Variants in MYH1 observed in about 807,000 individuals in gnomAD.
MYH1 encodes the protein myosin-1.
In MYH1, 214 loss-of-function variants were observed where a neutral mutation model predicts 225.6. The ratio of observed to expected loss-of-function variants is 0.95; its 90% CI spans 0.85 to 1.06. The LOEUF is 1.06. MYH1 is among the 50% of genes least tolerant of loss of function. The pLI is 0.00. For missense variants in MYH1, 2,098 were observed against 2,344.2 expected, an observed-to-expected ratio of 0.89 and a Z score of 2.17; for synonymous variants, 774 against 842.3, an observed-to-expected ratio of 0.92 and a Z score of 1.40.
Position 10,495,302 on chromosome 17 carries a change from T to C in MYH1, c.5185A>G (p.Asn1729Asp), listed in dbSNP as rs551559969. 153 of 1,613,990 alleles carry C rather than the reference T, an allele frequency of 9.5e-5. No homozygotes were observed. The highest frequency in any genetic ancestry group is 1.2e-4 in the Non-Finnish European group (145 of 1,180,022). Residue 1729 changes from asparagine to aspartate, a missense_variant, in exon 36 of 40, where the codon AAC becomes GAC. Transcript: ENST00000226207. ...TCTGTCTCCAGCTTCTTCTTGGTGT[T>C]GATCAGGCTGGTGTTCTGTTTAAAA... ...LLHTQNTSLI[N>D]TKKKLETDIS... is the part of the protein sequence containing the mutation.
At chr17:10,495,365 T>A (rs771552728) in intron 35 of MYH1, 48 bp from the exon 36 acceptor site, 1 of 1,600,812 alleles carries the variant, frequency 6.2e-7, no homozygotes, top group Non-Finnish European at 8.5e-7. Flanking sequence ...GAGAGAAAAA[T>A]TAGGAAACCT....
At chr17:10,514,522 A>C (rs1481559761) in intron 6 of MYH1, among the ~76,000 whole-genome samples, 2 of 152,166 alleles carry the variant, frequency 1.3e-5, no homozygotes, top group African/African-American at 2.4e-5. Flanking sequence ...ACATTCTCTA[A>C]GTGGGCCTTA....
At chr17:10,501,722 T>G (rs763741496) in intron 25 of MYH1, 38 bp from the exon 26 acceptor site, 40 of 1,613,910 alleles carry the variant, frequency 2.5e-5, no homozygotes, top group South Asian at 2.4e-4. Flanking sequence ...TCAGAAATAT[T>G]AAGAGTAATT....
intron 35 of MYH1, 80 bp from the exon 36 acceptor site, chr17:10,495,397 CTAAT>C (rs1250795996): frequency 2.7e-6 from 4 of 1,480,292 alleles, no homozygotes; most frequent in Non-Finnish European, 3.7e-6. Context: ...GAACCATAAA[CTAAT>C]TAACTAAATG....
intron 39 of MYH1, 99 bp downstream of exon 39, chr17:10,494,255 T>C: frequency 5.8e-6 from 7 of 1,210,836 alleles, no homozygotes; most frequent in Non-Finnish European, 7.1e-6. Context: ...TTGTTTTCTT[T>C]TGATCCTTCC....
At chr17:10,494,329 T>G in intron 39 of MYH1, 25 bp downstream of exon 39, 1 of 1,598,732 alleles carries the variant, frequency 6.3e-7, no homozygotes, top group Non-Finnish European at 8.5e-7. Flanking sequence ...CTGAGAAAAA[T>G]CACCCCAAGG....
At chr17:10,512,283 A>C in intron 12 of MYH1, 91 bp from the exon 13 acceptor site, 1 of 1,590,138 alleles carries the variant, frequency 6.3e-7, no homozygotes, top group Non-Finnish European at 8.6e-7. Context: ...CTTTGTAGAA[A>C]GTCTGTGTGT....
chr17:10,512,290 G>A (rs959434841), intron 12 of MYH1, 98 bp from the exon 13 acceptor site: 17 of 1,589,856 alleles, frequency 1.1e-5, no homozygotes, highest in Non-Finnish European at 1.5e-5. Context: ...GAAAGTCTGT[G>A]TGTGGGTACA....
In MYH1 at chr17:10,504,885, T is replaced by C. The variant is rs749781068; in HGVS notation, c.2616A>G (p.Ala872=). ...KTKEELAKTE[A]KRKELEEKMV... ...TTTTTTCTTCCAGCTCTTTCCTTTT[T>C]GCCTCGGTCTTAGCCAGCTCTTCTT... The change falls in exon 22 of 40, where the codon GCA becomes GCG. Residue 872 remains alanine, a synonymous_variant. Coordinates refer to ENST00000226207, the MANE Select transcript of MYH1 (RefSeq NM_005963.4). 2.5e-6 allele frequency: 4 copies of C among 1,614,198 alleles called. No homozygotes were observed. The highest frequency in any genetic ancestry group is 3.4e-6 in the Non-Finnish European group (4 of 1,180,028).
chr17:10,500,781 T>C (rs1371062064), intron 27 of MYH1, 29 bp from the exon 28 acceptor site: 1 of 1,613,864 alleles, frequency 6.2e-7, no homozygotes, highest in African/African-American at 1.3e-5. Flanking sequence ...AGAAGGCATC[T>C]CAAGTAAGTA....
intron 22 of MYH1, 63 bp from the exon 23 acceptor site, chr17:10,503,311 T>C: frequency 6.3e-7 from 1 of 1,578,272 alleles, no homozygotes; most frequent in Non-Finnish European, 8.6e-7. Context: ...CAGATTTTAT[T>C]AATATTTTGA....
rs762500473 is a variant in MYH1 at position 10,512,148 on chromosome 17, G to A, written c.1192C>T (p.Leu398=). 5.0e-6 allele frequency: 8 copies of A among 1,614,058 alleles called. No homozygotes were observed. The highest frequency in any genetic ancestry group is 5.1e-6 in the Non-Finnish European group (6 of 1,180,028). Residue 398 remains leucine, a synonymous_variant, in exon 13 of 40, where the codon CTG becomes TTG. Transcript: ENST00000226207. ...CTAGGGTAGCAGAGGGCTTTGAGCA[G>A]ATCTGCAGAGTTCAGATTTTGGAGA... ...AYLQNLNSAD[L]LKALCYPRVK...
chr17:10,498,009 CTTT>C, intron 30 of MYH1, 92 bp from the exon 31 acceptor site: 1 of 1,210,198 alleles, frequency 8.3e-7, no homozygotes, highest in Non-Finnish European at 1.1e-6. Context: ...AATCAGACTT[CTTT>C]AATACTTTGC....
chr17:10,494,293 C>G, intron 39 of MYH1, 61 bp downstream of exon 39: 2 of 1,469,642 alleles, frequency 1.4e-6, no homozygotes, highest in Non-Finnish European at 1.9e-6. Context: ...TCTTTTGTCA[C>G]TTTAACTAAA....
intron 6 of MYH1, 24 bp from the exon 7 acceptor site, chr17:10,514,148 A>G: frequency 6.2e-7 from 1 of 1,611,984 alleles, no homozygotes; most frequent in African/African-American, 1.3e-5. Flanking sequence ...AACGTATGAG[A>G]AATTAAGCAC....
chr17:10,501,173 C>A lies in MYH1; in HGVS notation c.3675G>T (p.Lys1225Asn). 1 of 1,614,132 alleles carries A rather than the reference C, an allele frequency of 6.2e-7. No individual in the cohort carries two copies. The highest frequency in any genetic ancestry group is 8.5e-7 in the Non-Finnish European group (1 of 1,179,960). Reference protein sequence around the residue: ...QRVKQKLEKEKSEMKMEIDDL... With the variant: ...QRVKQKLEKENSEMKMEIDDL... Reference sequence around the variant, plus strand: ...CATCGATCTCCATCTTCATCTCACTCTTCTCCTTCTCCAGCTTCTGCTTCA... The same window carrying A: ...CATCGATCTCCATCTTCATCTCACTATTCTCCTTCTCCAGCTTCTGCTTCA... The change falls in exon 27 of 40, where the codon AAG becomes AAT. Residue 1225 changes from lysine (K) to asparagine (N), a missense_variant. Transcript: ENST00000226207.
Position 10,498,734 on chromosome 17 carries a change from T to C in MYH1, c.4073A>G (p.Lys1358Arg), listed in dbSNP as rs774684415. Residue 1358 changes from lysine to arginine, a missense_variant, in exon 30 of 40, where the codon AAG becomes AGG. Coordinates refer to ENST00000226207, the MANE Select transcript of MYH1 (RefSeq NM_005963.4). ...GGACATTGCTCTCTGTAGCTCGGCC[T>C]TGGCTTCCTGCTCCTCCTCATACTG... ...REQYEEEQEAKAELQRAMSKA... is the reference protein window; with the variant it reads ...REQYEEEQEARAELQRAMSKA... 5 of 1,614,184 alleles carry C rather than the reference T, an allele frequency of 3.1e-6. No homozygotes were observed. The highest frequency in any genetic ancestry group is 3.3e-4 in the Middle Eastern group (2 of 6,058).
At position 10,505,275 on chromosome 17, in the gene MYH1, C is replaced by T. The variant is rs2073099223; in HGVS notation, c.2323G>A (p.Gly775Arg). 1 of 1,614,006 alleles carries T rather than the reference C, an allele frequency of 6.2e-7. No homozygotes were observed. The highest frequency in any genetic ancestry group is 8.5e-7 in the Non-Finnish European group (1 of 1,180,036). The change falls in exon 21 of 40, where the codon GGG (glycine) becomes AGG (arginine). Residue 775 changes from glycine (G) to arginine (R), a missense_variant. Gly to Arg is a moderately radical substitution (Grantham distance 125, BLOSUM62 -2). Coordinates refer to ENST00000226207, the MANE Select transcript of MYH1 (RefSeq NM_005963.4). ...TCATCTCGCATCTCCTCTAGGAGCC[C>T]CAGAAGACCAGCTTTGAAAAAGACC... ...TKVFFKAGLL[G>R]LLEEMRDEKL... is the part of the protein sequence containing the mutation.
chr17:10,495,686 G>A (rs948979681), intron 35 of MYH1, among the ~76,000 whole-genome samples: 3 of 139,870 alleles, frequency 2.1e-5, no homozygotes, highest in South Asian at 2.3e-4. Flanking sequence ...GCGTGAGCCC[G>A]GGAGGTGGAG....
Sources: gnomAD v4.1 joint callset for allele counts (sites outside exome capture counted in the v4.1 genomes callset) on GRCh38, gnomAD v4.1.1 for gene constraint, MANE v1.5 for transcripts, NCBI Gene and HGNC (gene_info 2026-07-23, HGNC 2026-07-21) for gene names.